Variants in MIAT observed in about 807,000 individuals in gnomAD.
MIAT encodes myocardial infarction associated transcript.
At chr22:26,671,939 C>T (rs1931061251), downstream of MIAT, 2 of 398,598 alleles carry the variant, frequency 5.0e-6, no homozygotes, top group Non-Finnish European at 8.8e-6. Flanking sequence ...ATCCTTCTGC[C>T]TGGGGCAAGA....
chr22:26,668,074 C>T, intron 5 of MIAT: 1 of 397,928 alleles, frequency 2.5e-6, no homozygotes, highest in Non-Finnish European at 4.4e-6. Context: ...TGAGTCCCCT[C>T]AGATGCAGAA....
intron 2 of MIAT, among the ~76,000 whole-genome samples, chr22:26,662,038 C>A (rs893966464): frequency 1.3e-5 from 2 of 149,678 alleles, no homozygotes; most frequent in Non-Finnish European, 3.0e-5. Flanking sequence ...TTCACTGCAG[C>A]CTCTACCTCC....
At chr22:26,660,532 G>C (rs1930627652) in intron 2 of MIAT, among the ~76,000 whole-genome samples, 1 of 151,112 alleles carries the variant, frequency 6.6e-6, no homozygotes, top group Non-Finnish European at 1.5e-5. Flanking sequence ...CTTTTGAAAA[G>C]TTACATCAGA....
chr22:26,667,243 C>T (rs1362312155), exon 5 of MIAT: 9 of 398,472 alleles, frequency 2.3e-5, no homozygotes, highest in Non-Finnish European at 3.5e-5. Flanking sequence ...GAGGTGAACC[C>T]AGAGACATGA....
At chr22:26,651,610 A>G (rs150967689) in intron 2 of MIAT, among the ~76,000 whole-genome samples, 2 of 152,262 alleles carry the variant, frequency 1.3e-5, no homozygotes, top group African/African-American at 4.8e-5. Context: ...TAGCAGCGCT[A>G]TTCAGATTAG....
At chr22:26,647,353 G>A in intron 2 of MIAT, 1 of 319,006 alleles carries the variant, frequency 3.1e-6, no homozygotes, top group South Asian at 1.5e-4. Flanking sequence ...TAGTTGTGGG[G>A]GCGGCGGGGA....
At chr22:26,672,475 G>T (rs774062496), downstream of MIAT, 4 of 399,338 alleles carry the variant, frequency 1.0e-5, no homozygotes, top group East Asian at 3.6e-5. Flanking sequence ...CCTATGTGCA[G>T]AAGTCTGGTT....
At chr22:26,660,037 T>G (rs1215697704) in intron 2 of MIAT, among the ~76,000 whole-genome samples, 1 of 151,588 alleles carries the variant, frequency 6.6e-6, no homozygotes, top group Non-Finnish European at 1.5e-5. Context: ...GGTTTTGGCA[T>G]GTTGGCCAGG....
At chr22:26,662,117 C>T (rs745922728) in intron 2 of MIAT, among the ~76,000 whole-genome samples, 3 of 151,698 alleles carry the variant, frequency 2.0e-5, no homozygotes, top group East Asian at 3.9e-4. Context: ...TAACCACGCC[C>T]AGCTAATTTT....
chr22:26,666,515 G>T (rs8142047), exon 4 of MIAT: 4 of 398,528 alleles, frequency 1.0e-5, no homozygotes, highest in Admixed American at 8.8e-5. Context: ...ACCCAGTGTG[G>T]CAGGAGCAGA....
chr22:26,665,723 G>A (rs1930822571), exon 4 of MIAT: 1 of 398,520 alleles, frequency 2.5e-6, no homozygotes, highest in African/African-American at 2.1e-5. Context: ...AGGGGAAATG[G>A]GTGATGTAGC....
Position 26,657,342 on chromosome 22 carries a change from A to T in MIAT, n.647-5974A>T, listed in dbSNP as rs1930496138. On this transcript the variant is annotated intron_variant and non_coding_transcript_variant, in intron 2 of 5. Transcript: ENST00000643270. Reference sequence around the variant, plus strand: ...GTTGCACCCCGCTTTCCTGGCCAGGACTCTGGGCGCGGGTAAGGAGGGGTT... The same window carrying T: ...GTTGCACCCCGCTTTCCTGGCCAGGTCTCTGGGCGCGGGTAAGGAGGGGTT... 4 of 388,018 alleles carry T rather than the reference A, an allele frequency of 1.0e-5. No homozygotes were observed. In the South Asian group the frequency reaches 6.1e-4, roughly 59 times the overall value. The allele number at this position is 388,018 out of a possible 1,614,324, so 24.0% of individuals were successfully genotyped here. A position where few individuals can be genotyped will look rare whatever the true frequency, so the allele number is the denominator to read the frequency against.
At chr22:26,676,470 C>T (rs779588019) in exon 5 of MIAT, 6 of 397,936 alleles carry the variant, frequency 1.5e-5, no homozygotes, top group Non-Finnish European at 2.2e-5. Context: ...AATCAATTCA[C>T]GCTGGAAACA....
intron 3 of MIAT, chr22:26,665,369 A>G: frequency 2.5e-6 from 1 of 398,056 alleles, no homozygotes. Flanking sequence ...CTAGCCCCAA[A>G]GCCCATACCT....
chr22:26,671,138 A>G, downstream of MIAT: 1 of 398,650 alleles, frequency 2.5e-6, no homozygotes, highest in South Asian at 1.3e-4. Context: ...GAAGGGGCTG[A>G]CCAGAACCAG....
chr22:26,657,284 G>T (rs141619257), intron 2 of MIAT: 2 of 386,368 alleles, frequency 5.2e-6, no homozygotes, highest in African/African-American at 4.1e-5. Context: ...CCCTTTGTGC[G>T]GCGGGGGCTG....
chr22:26,670,344 C>T (rs1930998487), downstream of MIAT: 1 of 398,316 alleles, frequency 2.5e-6, no homozygotes, highest in Non-Finnish European at 4.4e-6. Flanking sequence ...GATTTCACAG[C>T]CATGCTGGAT....
At chr22:26,657,213 G>A (rs1930490321) in intron 2 of MIAT, 4 of 297,564 alleles carry the variant, frequency 1.3e-5, no homozygotes, top group Non-Finnish European at 2.5e-5. Context: ...GGACGGGCAA[G>A]CGTTGCCATG....
At chr22:26,647,356 G>C (rs1246873645) in intron 2 of MIAT, 1 of 285,674 alleles carries the variant, frequency 3.5e-6, no homozygotes, top group South Asian at 1.7e-4. Flanking sequence ...TTGTGGGGGC[G>C]GCGGGGACGT....
Sources: gnomAD v4.1 joint callset for allele counts (sites outside exome capture counted in the v4.1 genomes callset) on GRCh38, gnomAD v4.1.1 for gene constraint, MANE v1.5 for transcripts, NCBI Gene and HGNC (gene_info 2026-07-23, HGNC 2026-07-21) for gene names.